The following STARD13 variants were observed in gnomAD, a reference collection of about 807,000 sequenced individuals.
STARD13 encodes the protein stAR-related lipid transfer protein 13.
STARD13 carries 62 observed loss-of-function variants against 106.4 expected under a neutral mutation model. The ratio of observed to expected loss-of-function variants is 0.58; its 90% CI spans 0.48 to 0.72. The LOEUF is 0.72. STARD13 is among the 30% of genes least tolerant of loss of function. STARD13 has a pLI of 0.00. For synonymous variants in STARD13, 565 were observed against 553.0 expected (o/e 1.02, Z -0.31); for missense variants, 1,387 against 1,424.0 (o/e 0.97, Z 0.42).
At chr13:33,331,351 C>CTTGCT (rs142191410) in intron 1 of STARD13, among the ~76,000 whole-genome samples, 14 of 150,720 alleles carry the variant, frequency 9.3e-5, no homozygotes, top group Non-Finnish European at 1.6e-4. Context: ...TTCTTGTTTT[C>CTTGCT]TTGTTTTGTT....
chr13:33,478,974 A>G, the STARD13 span, among the ~76,000 whole-genome samples: 1 of 152,324 alleles, frequency 6.6e-6, no homozygotes, highest in East Asian at 1.9e-4. Context: ...AATATTTGTT[A>G]AATATATCCC....
chr13:33,414,032 C>CAAAAAAAAAAAAAAAAAAA, the STARD13 span, among the ~76,000 whole-genome samples: 16 of 48,180 alleles, frequency 3.3e-4, no homozygotes, highest in African/African-American at 1.2e-3. Flanking sequence ...GATTCCCTCT[C>CAAAAAAAAAAAAAAAAAAA]AAAAAAAAAA....
intron 3 of STARD13, among the ~76,000 whole-genome samples, chr13:33,146,023 A>G (rs1278112384): frequency 1.3e-5 from 2 of 151,954 alleles, no homozygotes; most frequent in Non-Finnish European, 2.9e-5. Context: ...TGTCGCTACA[A>G]AAAAAATATA....
the STARD13 span, among the ~76,000 whole-genome samples, chr13:33,622,607 T>TC: frequency 5.1e-4 from 39 of 76,164 alleles, no homozygotes; most frequent in African/African-American, 1.9e-3. Flanking sequence ...AGAGCGAGAC[T>TC]CCGTCTCAAA....
intron 1 of STARD13, among the ~76,000 whole-genome samples, chr13:33,304,221 G>A (rs1892822584): frequency 6.6e-6 from 1 of 152,090 alleles, no homozygotes; most frequent in African/African-American, 2.4e-5. Flanking sequence ...AAATGTTTTA[G>A]GAATTGCTTT....
chr13:33,595,912 C>T, the STARD13 span, among the ~76,000 whole-genome samples: 2 of 152,130 alleles, frequency 1.3e-5, no homozygotes, highest in Non-Finnish European at 2.9e-5. Context: ...TGTCCTGAAG[C>T]TTAGCATTAG....
chr13:33,171,038 G>A (rs1012403774), intron 1 of STARD13, among the ~76,000 whole-genome samples: 1 of 152,114 alleles, frequency 6.6e-6, no homozygotes, highest in Admixed American at 6.5e-5. Flanking sequence ...AATCATTATT[G>A]CCAGTGCCAT....
chr13:33,668,367 T>C, the STARD13 span, among the ~76,000 whole-genome samples: 1 of 152,278 alleles, frequency 6.6e-6, no homozygotes, highest in Non-Finnish European at 1.5e-5. Flanking sequence ...ATAAATGAAA[T>C]GATGATGTCT....
At chr13:33,576,254 G>A in the STARD13 span, among the ~76,000 whole-genome samples, 1 of 151,996 alleles carries the variant, frequency 6.6e-6, no homozygotes, top group African/African-American at 2.4e-5. Context: ...ACAAGGTCTT[G>A]CTCTGTCACC....
At chr13:33,667,614 T>C in the STARD13 span, among the ~76,000 whole-genome samples, 1 of 152,234 alleles carries the variant, frequency 6.6e-6, no homozygotes, top group South Asian at 2.1e-4. Flanking sequence ...CACCATTAGA[T>C]AATGTATCAT....
the STARD13 span, among the ~76,000 whole-genome samples, chr13:33,473,607 A>G: frequency 6.6e-6 from 1 of 152,164 alleles, no homozygotes; most frequent in African/African-American, 2.4e-5. Flanking sequence ...CTGCTGTTTC[A>G]ATAAGAGATT....
At chr13:33,494,469 C>A in the STARD13 span, among the ~76,000 whole-genome samples, 1 of 152,120 alleles carries the variant, frequency 6.6e-6, no homozygotes, top group Non-Finnish European at 1.5e-5. Flanking sequence ...CCACCACTTG[C>A]AAGACGAAAT....
At chr13:33,117,613 A>G in intron 8 of STARD13, 1 of 979,486 alleles carries the variant, frequency 1.0e-6, no homozygotes, top group Non-Finnish European at 1.2e-6. Context: ...TCACCAATGA[A>G]GATACTTTGT....
At chr13:33,125,523 A>T (rs1252569774) in intron 7 of STARD13, among the ~76,000 whole-genome samples, 1 of 152,142 alleles carries the variant, frequency 6.6e-6, no homozygotes, top group Non-Finnish European at 1.5e-5. Context: ...TCAGCATTGA[A>T]TCAACTCTAT....
At chr13:33,661,596 C>G in the STARD13 span, among the ~76,000 whole-genome samples, 2 of 152,188 alleles carry the variant, frequency 1.3e-5, no homozygotes, top group African/African-American at 4.8e-5. Context: ...GCAGAAGGCA[C>G]TTCTTCACAG....
chr13:33,172,365 T>C (rs1261135293), intron 1 of STARD13, among the ~76,000 whole-genome samples: 1 of 152,194 alleles, frequency 6.6e-6, no homozygotes, highest in South Asian at 2.1e-4. Flanking sequence ...AAGAGTTCAA[T>C]AGGACCTCAC....
chr13:33,516,534 A>T, the STARD13 span, among the ~76,000 whole-genome samples: 1 of 152,082 alleles, frequency 6.6e-6, no homozygotes, highest in East Asian at 1.9e-4. Flanking sequence ...AATTTGCTTA[A>T]TTTTTTCTCA....
At chr13:33,511,312 C>CAA in the STARD13 span, 48 of 143,306 alleles carry the variant, frequency 3.3e-4, no homozygotes, top group South Asian at 4.4e-4. Flanking sequence ...GACTCCATCT[C>CAA]AAAAAAAAAA....
At chr13:33,436,193 G>C in the STARD13 span, among the ~76,000 whole-genome samples, 9 of 152,258 alleles carry the variant, frequency 5.9e-5, no homozygotes, top group South Asian at 1.4e-3. Context: ...ACATTACTCA[G>C]AGAAAAAAAT....
Sources: allele counts gnomAD v4.1 joint callset (sites outside exome capture counted in the v4.1 genomes callset), GRCh38; gene constraint gnomAD v4.1.1; transcripts MANE v1.5; gene names NCBI Gene and HGNC (gene_info 2026-07-23, HGNC 2026-07-21).